SHISA6: variants seen among roughly 807,000 people sequenced by gnomAD.
The protein encoded by SHISA6 is protein shisa-6.
In SHISA6, 22 loss-of-function variants were observed where a neutral mutation model predicts 47.9. The ratio of observed to expected loss-of-function variants is 0.46; its 90% CI spans 0.33 to 0.66. SHISA6 has a LOEUF of 0.66. Ranked by LOEUF, SHISA6 falls within the 30% of genes least tolerant of loss-of-function variation. The probability of loss-of-function intolerance (pLI) is 0.02; values close to 1 mark genes in which losing one functional copy is unlikely to be tolerated. For synonymous variants in SHISA6, 388 were observed against 337.8 expected, an observed-to-expected ratio of 1.15 and a Z score of -1.63; for missense variants, 680 against 764.6, an observed-to-expected ratio of 0.89 and a Z score of 1.30.
chr17:11,547,101 G>C (rs1018525744), intron 3 of SHISA6, among the ~76,000 whole-genome samples: 1 of 152,176 alleles, frequency 6.6e-6, no homozygotes, highest in Non-Finnish European at 1.5e-5. Flanking sequence ...GGGAACACAA[G>C]AGTAGTGGAA....
intron 3 of SHISA6, among the ~76,000 whole-genome samples, chr17:11,435,265 T>C (rs1914905128): frequency 6.6e-6 from 1 of 152,062 alleles, no homozygotes; most frequent in Admixed American, 6.5e-5. Flanking sequence ...ATATCAAAAA[T>C]TGAAGCTGCT....
chr17:11,303,409 CTGGT>C (rs1337459301), intron 2 of SHISA6, among the ~76,000 whole-genome samples: 3 of 150,682 alleles, frequency 2.0e-5, no homozygotes, highest in African/African-American at 7.4e-5. Flanking sequence ...GTGATTGTGT[CTGGT>C]TGTGAGCATG....
intron 3 of SHISA6, among the ~76,000 whole-genome samples, chr17:11,542,583 C>T (rs2071843351): frequency 6.6e-6 from 1 of 152,056 alleles, no homozygotes; most frequent in Non-Finnish European, 1.5e-5. Context: ...GGGGATGAGT[C>T]ATTCAGTATT....
At chr17:11,296,851 C>T (rs1289803021) in intron 2 of SHISA6, among the ~76,000 whole-genome samples, 1 of 151,898 alleles carries the variant, frequency 6.6e-6, no homozygotes, top group Non-Finnish European at 1.5e-5. Context: ...TTGTGGTGTC[C>T]CAGAAGCTAG....
intron 2 of SHISA6, among the ~76,000 whole-genome samples, chr17:11,339,188 A>G (rs1023188327): frequency 1.3e-5 from 2 of 151,262 alleles, no homozygotes; most frequent in African/African-American, 4.9e-5. Context: ...AAAGAAAACC[A>G]CGAGGCCACT....
At chr17:11,390,038 C>A (rs567588590) in intron 3 of SHISA6, among the ~76,000 whole-genome samples, 7 of 152,302 alleles carry the variant, frequency 4.6e-5, no homozygotes, top group African/African-American at 1.4e-4. Context: ...GTTCTCAGGG[C>A]ATCACTGTTT....
In SHISA6 at chr17:11,256,572, A is replaced by G. The variant is rs897752866; in HGVS notation, c.639-6794A>G. Among the ~76,000 whole-genome samples, 4 of 152,182 alleles carry G rather than the reference A, an allele frequency of 2.6e-5. No individual in the cohort carries two copies. The East Asian group carries it at 7.7e-4, about 29-fold the overall frequency. Reference sequence around the variant, plus strand: ...GCAGCAGCCCATTTGCACCTTGTACACAGGTACAGTTATGAACTCATCTGT... The same window carrying G: ...GCAGCAGCCCATTTGCACCTTGTACGCAGGTACAGTTATGAACTCATCTGT... On this transcript the variant is annotated intron_variant, in intron 1 of 5. Transcript: ENST00000441885.
At chr17:11,307,272 A>G (rs1049660416) in intron 2 of SHISA6, among the ~76,000 whole-genome samples, 3 of 151,668 alleles carry the variant, frequency 2.0e-5, no homozygotes, top group Non-Finnish European at 4.4e-5. Flanking sequence ...CAGTGGCTCT[A>G]TTGAGATAAC....
intron 3 of SHISA6, among the ~76,000 whole-genome samples, chr17:11,504,190 G>C (rs749112129): frequency 9.9e-5 from 15 of 152,160 alleles, no homozygotes; most frequent in Non-Finnish European, 2.1e-4. Context: ...AAGAGGGAAG[G>C]CTGGCTTCAT....
chr17:11,376,030 A>G (rs557010390), intron 2 of SHISA6, among the ~76,000 whole-genome samples: 1 of 152,248 alleles, frequency 6.6e-6, no homozygotes, highest in Non-Finnish European at 1.5e-5. Context: ...CTTTGGCTTA[A>G]CTTCTGTTCA....
chr17:11,488,047 A>T (rs186570559), intron 3 of SHISA6, among the ~76,000 whole-genome samples: 1 of 152,328 alleles, frequency 6.6e-6, no homozygotes, highest in Admixed American at 6.5e-5. Flanking sequence ...GGGATGAAGA[A>T]CCAAGAGTGT....
chr17:11,406,236 C>G (rs1313511053), intron 3 of SHISA6, among the ~76,000 whole-genome samples: 2 of 152,136 alleles, frequency 1.3e-5, no homozygotes, highest in Non-Finnish European at 2.9e-5. Flanking sequence ...ACTCACACAT[C>G]CCCTCTATCT....
intron 3 of SHISA6, among the ~76,000 whole-genome samples, chr17:11,461,117 A>G (rs1362627092): frequency 6.6e-6 from 1 of 152,224 alleles, no homozygotes; most frequent in East Asian, 1.9e-4. Flanking sequence ...TTTGATATAC[A>G]GTTGAATAGC....
chr17:11,261,453 A>G (rs1350983361), intron 1 of SHISA6, among the ~76,000 whole-genome samples: 1 of 152,232 alleles, frequency 6.6e-6, no homozygotes. Flanking sequence ...GATACATCGC[A>G]TAGCGCAAGC....
intron 2 of SHISA6, among the ~76,000 whole-genome samples, chr17:11,339,457 A>C (rs2142211641): frequency 6.6e-6 from 1 of 152,244 alleles, no homozygotes; most frequent in South Asian, 2.1e-4. Flanking sequence ...GTTATTTTTA[A>C]ATTTTTCTAC....
At chr17:11,436,878 A>G (rs543815235) in intron 3 of SHISA6, among the ~76,000 whole-genome samples, 12 of 152,300 alleles carry the variant, frequency 7.9e-5, no homozygotes, top group Admixed American at 3.3e-4. Flanking sequence ...GGCTTTTTCA[A>G]CCAAAAGGCA....
At chr17:11,279,249 T>C (rs1909038462) in intron 2 of SHISA6, among the ~76,000 whole-genome samples, 1 of 152,164 alleles carries the variant, frequency 6.6e-6, no homozygotes, top group African/African-American at 2.4e-5. Flanking sequence ...GTGAGGCATG[T>C]AACCTTGAGC....
chr17:11,514,735 C>T (rs1198384697), intron 3 of SHISA6, among the ~76,000 whole-genome samples: 3 of 152,212 alleles, frequency 2.0e-5, no homozygotes, highest in African/African-American at 7.2e-5. Context: ...GGAGCCAACA[C>T]AGAGGTGCTC....
chr17:11,297,669 A>G (rs981061782), intron 2 of SHISA6, among the ~76,000 whole-genome samples: 1 of 152,168 alleles, frequency 6.6e-6, no homozygotes, highest in Non-Finnish European at 1.5e-5. Context: ...CTTTGTTCTT[A>G]GTATCTGTGT....
Sources: allele counts gnomAD v4.1 joint callset (sites outside exome capture counted in the v4.1 genomes callset), GRCh38; gene constraint gnomAD v4.1.1; transcripts MANE v1.5; gene names NCBI Gene and HGNC (gene_info 2026-07-23, HGNC 2026-07-21).